ATP8A2: variants seen among roughly 807,000 people sequenced by gnomAD.
The protein encoded by ATP8A2 is phospholipid-transporting ATPase IB.
Under a neutral mutation model 165.6 loss-of-function variants are expected in ATP8A2, and 100 were observed. That is an observed-to-expected ratio of 0.60 (90% CI 0.51 to 0.71). The LOEUF is 0.71. Among genes scored for constraint, ATP8A2 ranks in the 30% least tolerant of loss-of-function variants. The probability of loss-of-function intolerance (pLI) is 0.00; values close to 1 mark genes in which losing one functional copy is unlikely to be tolerated. For synonymous variants in ATP8A2, 543 were observed against 548.8 expected (o/e 0.99, Z 0.15); for missense variants, 1,227 against 1,479.5 (o/e 0.83, Z 2.80).
At chr13:25,965,910 C>A (rs1031008937) in intron 34 of ATP8A2, among the ~76,000 whole-genome samples, 1 of 151,648 alleles carries the variant, frequency 6.6e-6, no homozygotes, top group Non-Finnish European at 1.5e-5. Context: ...AACTTTCTAA[C>A]TAAACTAATT....
At chr13:25,829,716 A>G (rs1315369348) in intron 28 of ATP8A2, among the ~76,000 whole-genome samples, 4 of 93,708 alleles carry the variant, frequency 4.3e-5, no homozygotes, top group African/African-American at 1.2e-4. Flanking sequence ...ATATATATAT[A>G]TATATCACCT....
At chr13:25,531,576 A>C (rs995024934) in intron 4 of ATP8A2, among the ~76,000 whole-genome samples, 2 of 151,490 alleles carry the variant, frequency 1.3e-5, no homozygotes, top group African/African-American at 4.8e-5. Flanking sequence ...CTTTCTGGGA[A>C]TAGGTATGTA....
At chr13:25,633,076 C>A (rs1565997327) in intron 24 of ATP8A2, among the ~76,000 whole-genome samples, 1 of 152,204 alleles carries the variant, frequency 6.6e-6, no homozygotes, top group East Asian at 1.9e-4. Flanking sequence ...AAAGAAGATT[C>A]TGCTCACTTG....
At chr13:25,694,787 C>T (rs1401593915) in intron 24 of ATP8A2, among the ~76,000 whole-genome samples, 1 of 152,186 alleles carries the variant, frequency 6.6e-6, no homozygotes, top group Non-Finnish European at 1.5e-5. Context: ...CTTTGCACCT[C>T]ACCCTTCTGA....
intron 27 of ATP8A2, among the ~76,000 whole-genome samples, chr13:25,778,623 G>C (rs562135907): frequency 1.3e-4 from 20 of 152,144 alleles, no homozygotes; most frequent in Admixed American, 2.6e-4. Flanking sequence ...CCAGTGTCTG[G>C]CACAATGTCT....
rs974668993 is a variant in ATP8A2, at chr13:25,372,390, C to CCTCCCTGGG, written c.76+115_76+123dup. On this transcript the variant is annotated intron_variant, in intron 1 of 36. Coordinates refer to ENST00000381655, the MANE Select transcript of ATP8A2 (RefSeq NM_016529.6). This position sits in a 1 kb window ranked among gnomAD's most constrained non-coding sequence, Gnocchi z 4.8. ...CACTGCCCCGCCCGCGCCCCGCTCCCCTCCCTGGGCTCCCTGGGCTCTCTG... is the reference window on the plus strand; with the variant it reads ...CACTGCCCCGCCCGCGCCCCGCTCCCCTCCCTGGGCTCCCTGGGCTCCCTGGGCTCTCTG... 2.2e-5 allele frequency: 19 copies of CCTCCCTGGG among 846,504 alleles called. No homozygotes were observed. The highest frequency in any genetic ancestry group is 1.8e-4 in the African/African-American group (10 of 54,882). The allele number at this position is 846,504 out of a possible 1,614,324, so 52.4% of individuals were successfully genotyped here.
At position 25,401,156 on chromosome 13, in the gene ATP8A2, C is replaced by T. The variant is rs777547796; in HGVS notation, c.76+28868C>T. 9.9e-5 allele frequency among the ~76,000 whole-genome samples: 15 copies of T among 152,184 alleles called. No individual in the cohort carries two copies. In the East Asian group the frequency reaches 1.2e-3, roughly 12 times the overall value. On this transcript the variant is annotated intron_variant, in intron 1 of 36. Transcript: ENST00000381655. Reference sequence around the variant, plus strand: ...AATGAGACACGGTCCTTAACTCCTCCGAGACGCAGCACTCTCAGTAAAATT... The same window carrying T: ...AATGAGACACGGTCCTTAACTCCTCTGAGACGCAGCACTCTCAGTAAAATT...
chr13:25,628,940 G>A (rs965330617), intron 24 of ATP8A2, among the ~76,000 whole-genome samples: 5 of 152,128 alleles, frequency 3.3e-5, no homozygotes, highest in African/African-American at 4.8e-5. Context: ...TCCATGAGAG[G>A]GAACATCACA....
intron 25 of ATP8A2, among the ~76,000 whole-genome samples, chr13:25,746,566 G>T (rs2044035611): frequency 6.6e-6 from 1 of 152,206 alleles, no homozygotes; most frequent in African/African-American, 2.4e-5. Context: ...GTGCCTTAGA[G>T]TTAGAAAACA....
chr13:25,904,282 G>A (rs756243705), intron 33 of ATP8A2, among the ~76,000 whole-genome samples: 5 of 152,222 alleles, frequency 3.3e-5, no homozygotes, highest in Non-Finnish European at 7.3e-5. Flanking sequence ...TCCAAGAGAT[G>A]ATACTTTTTC....
At chr13:25,911,800 C>T (rs1954113658) in intron 33 of ATP8A2, among the ~76,000 whole-genome samples, 1 of 152,216 alleles carries the variant, frequency 6.6e-6, no homozygotes, top group Non-Finnish European at 1.5e-5. Context: ...TCTTATCTCA[C>T]TCTTTACTAT....
intron 23 of ATP8A2, 138 bp from the exon 24 acceptor site, chr13:25,589,497 T>C (rs984272251): frequency 3.4e-5 from 20 of 589,466 alleles, no homozygotes; most frequent in Middle Eastern, 2.6e-4. Flanking sequence ...TCAACTTACT[T>C]TTCCTACTCC....
intron 28 of ATP8A2, among the ~76,000 whole-genome samples, chr13:25,832,750 A>G (rs1951511174): frequency 6.6e-6 from 1 of 152,216 alleles, no homozygotes; most frequent in Admixed American, 6.5e-5. Flanking sequence ...CCAAAATGGT[A>G]AAATTCTGAA....
rs1043395098 is a variant in ATP8A2 at position 25,858,675 on chromosome 13, G to A, written c.2957-1520G>A. On this transcript the variant is annotated intron_variant, in intron 30 of 36. Transcript: ENST00000381655. Reference sequence around the variant, plus strand: ...TTCAACAAGCATTGGGAAAATCTGCGAGCCCAGATATGTATGTATAGCAGC... The same window carrying A: ...TTCAACAAGCATTGGGAAAATCTGCAAGCCCAGATATGTATGTATAGCAGC... 5.9e-5 allele frequency among the ~76,000 whole-genome samples: 9 copies of A among 152,094 alleles called. No individual in the cohort carries two copies. The South Asian group carries it at 6.2e-4, about 11-fold the overall frequency.
intron 1 of ATP8A2, among the ~76,000 whole-genome samples, chr13:25,432,985 A>G (rs2034657800): frequency 6.6e-6 from 1 of 152,164 alleles, no homozygotes; most frequent in Admixed American, 6.5e-5. Flanking sequence ...AGCTTCAGTG[A>G]GGCTCCTTAT....
At chr13:25,831,669 C>G (rs902751137) in intron 28 of ATP8A2, among the ~76,000 whole-genome samples, 12 of 151,890 alleles carry the variant, frequency 7.9e-5, no homozygotes, top group Non-Finnish European at 1.8e-4. Context: ...ATGGTGAAAC[C>G]TCATCCCTAC....
intron 1 of ATP8A2, among the ~76,000 whole-genome samples, chr13:25,406,160 CAT>C (rs2033795706): frequency 6.6e-6 from 1 of 152,162 alleles, no homozygotes; most frequent in South Asian, 2.1e-4. Flanking sequence ...AAGAGGTTGA[CAT>C]ATACAGTTTC....
intron 24 of ATP8A2, among the ~76,000 whole-genome samples, chr13:25,658,804 C>T (rs1215654950): frequency 1.3e-5 from 2 of 152,138 alleles, no homozygotes; most frequent in African/African-American, 4.8e-5. Flanking sequence ...AACAAGAGCC[C>T]AAATTCCCTC....
In ATP8A2 at chr13:25,799,528, T is replaced by C. The variant is rs923830905; in HGVS notation, c.2679+24569T>C. Among the ~76,000 whole-genome samples the C allele has an allele frequency of 5.3e-5, 8 of 152,174 alleles. No homozygotes were observed. In the South Asian group the frequency reaches 1.4e-3, roughly 28 times the overall value. On this transcript the variant is annotated intron_variant, in intron 27 of 36. Transcript: ENST00000381655. Reference sequence around the variant, plus strand: ...CTTCCCAGACACGGAATCATTGCCATAGATGATTATGTGGGATCTGACAGA... The same window carrying C: ...CTTCCCAGACACGGAATCATTGCCACAGATGATTATGTGGGATCTGACAGA...
Sources: allele counts gnomAD v4.1 joint callset (sites outside exome capture counted in the v4.1 genomes callset), GRCh38; gene constraint gnomAD v4.1.1; non-coding constraint Gnocchi (gnomAD v3.1); transcripts MANE v1.5; gene names NCBI Gene and HGNC (gene_info 2026-07-23, HGNC 2026-07-21).